Variants in ASTN1 observed in about 807,000 individuals in gnomAD.
The protein encoded by ASTN1 is astrotactin 1, also known as astrotactin-1.
A neutral mutation model predicts 140.7 loss-of-function variants in ASTN1; 41 were observed. The ratio of observed to expected loss-of-function variants is 0.29; its 90% CI spans 0.23 to 0.38. ASTN1 has a LOEUF of 0.38. Ranked by LOEUF, ASTN1 falls within the 10% of genes least tolerant of loss-of-function variation. ASTN1 has a pLI of 1.00. For missense variants in ASTN1, 1,479 were observed against 1,678.8 expected, an observed-to-expected ratio of 0.88 and a Z score of 2.08; for synonymous variants, 640 against 652.2, an observed-to-expected ratio of 0.98 and a Z score of 0.29.
intron 1 of ASTN1, among the ~76,000 whole-genome samples, chr1:177,149,597 CTGTA>C (rs1558131434): frequency 3.2e-5 from 2 of 61,548 alleles, no homozygotes; most frequent in Non-Finnish European, 4.6e-5. Flanking sequence ...TATATATACA[CTGTA>C]TATATATAGT....
rs1259644908 is a variant in ASTN1, at chr1:176,949,256, C to T, written c.1983G>A (p.Glu661=). The T allele has an allele frequency of 6.2e-7, 1 of 1,613,988 alleles. No individual in the cohort carries two copies. The highest frequency in any genetic ancestry group is 8.5e-7 in the Non-Finnish European group (1 of 1,180,038). The change falls in exon 12 of 23, where the codon GAG becomes GAA. Residue 661 remains glutamate (E), a synonymous_variant. Coordinates refer to ENST00000361833, the MANE Select transcript of ASTN1 (RefSeq NM_004319.3). The part of the protein sequence containing the change: ...DCSDGFNGGC[E]QLCLQQMAPF... The stretch of plus-strand genomic sequence containing the variant: ...GCGCCATCTGCTGGAGGCACAGCTG[C>T]TCACAGCCGCCGTTGAAGCCGTCGG...
At chr1:177,151,613 C>A (rs1683038526) in intron 1 of ASTN1, among the ~76,000 whole-genome samples, 1 of 152,080 alleles carries the variant, frequency 6.6e-6, no homozygotes, top group Admixed American at 6.6e-5. Context: ...TCTTTCCAAG[C>A]TGAATCACTC....
intron 1 of ASTN1, among the ~76,000 whole-genome samples, chr1:177,162,811 C>T (rs1647462590): frequency 6.6e-6 from 1 of 152,136 alleles, no homozygotes; most frequent in African/African-American, 2.4e-5. Context: ...CTCCAAATAA[C>T]CCAGTAATTG....
At chr1:176,980,051 A>G (rs1006487490) in intron 8 of ASTN1, among the ~76,000 whole-genome samples, 1 of 152,216 alleles carries the variant, frequency 6.6e-6, no homozygotes, top group Non-Finnish European at 1.5e-5. Context: ...TAAAGGGTCA[A>G]GGGATCACTT....
In ASTN1 at chr1:176,949,213, T is replaced by C; in HGVS notation, c.2026A>G (p.Thr676Ala). ...CAGAACATGAGGATGTTATACAAGG[T>C]GGGGTCGTCCGGGAAGGGCGCCATC... ...QQMAPFPDDP[T>A]LYNILMFCGC... Residue 676 changes from threonine (T) to alanine (A), a missense_variant, in exon 12 of 23, where the codon ACC (threonine) becomes GCC (alanine). By Grantham distance (58) the Thr-to-Ala change is moderately conservative (BLOSUM62 0). This residue lies in a region of ASTN1 where 746 missense variants were observed against 800.9 expected (regional missense o/e 0.93). Transcript: ENST00000361833. 1 of 1,613,986 alleles carries C rather than the reference T, an allele frequency of 6.2e-7. No homozygotes were observed. The highest frequency in any genetic ancestry group is 8.5e-7 in the Non-Finnish European group (1 of 1,180,010).
intron 8 of ASTN1, among the ~76,000 whole-genome samples, chr1:176,971,300 G>A (rs1017003482): frequency 1.3e-5 from 2 of 152,180 alleles, no homozygotes; most frequent in African/African-American, 4.8e-5. Context: ...AAGATGGGGA[G>A]ATTATTACAT....
At chr1:177,110,283 A>G (rs1680760612) in intron 1 of ASTN1, among the ~76,000 whole-genome samples, 1 of 152,276 alleles carries the variant, frequency 6.6e-6, no homozygotes, top group Non-Finnish European at 1.5e-5. Context: ...AGTTATAAAG[A>G]TCAAACAAGG....
At chr1:177,023,820 C>T (rs933823423) in intron 6 of ASTN1, among the ~76,000 whole-genome samples, 2 of 152,172 alleles carry the variant, frequency 1.3e-5, no homozygotes, top group Admixed American at 6.5e-5. Flanking sequence ...TGCTCCATTC[C>T]GTCTTTCCAG....
intron 8 of ASTN1, among the ~76,000 whole-genome samples, chr1:177,004,190 G>T (rs1024197743): frequency 5.3e-5 from 8 of 151,630 alleles, no homozygotes; most frequent in Middle Eastern, 6.8e-3. Context: ...ACCCAGCTGA[G>T]AATAAAATCA....
intron 16 of ASTN1, among the ~76,000 whole-genome samples, chr1:176,905,934 C>T (rs1461564669): frequency 6.6e-6 from 1 of 152,198 alleles, no homozygotes; most frequent in Non-Finnish European, 1.5e-5. Flanking sequence ...ATGGTACAGA[C>T]AGCTGGACAT....
intron 16 of ASTN1, among the ~76,000 whole-genome samples, chr1:176,899,452 C>T (rs1315003396): frequency 2.6e-5 from 4 of 152,180 alleles, no homozygotes; most frequent in African/African-American, 9.6e-5. Flanking sequence ...GATTCTGAGG[C>T]TGCTTAAGAA....
chr1:176,954,616 T>C (rs888811460), intron 11 of ASTN1, among the ~76,000 whole-genome samples: 6 of 152,202 alleles, frequency 3.9e-5, no homozygotes, highest in African/African-American at 1.2e-4. Context: ...AAAGACCCTA[T>C]AGGGCTCACT....
At chr1:177,128,358 A>T (rs960028761) in intron 1 of ASTN1, among the ~76,000 whole-genome samples, 3 of 152,220 alleles carry the variant, frequency 2.0e-5, no homozygotes, top group Non-Finnish European at 2.9e-5. Flanking sequence ...CCCAAATTGC[A>T]TTTAATGTTT....
At chr1:176,925,774 G>A (rs1415795945) in intron 16 of ASTN1, among the ~76,000 whole-genome samples, 1 of 151,604 alleles carries the variant, frequency 6.6e-6, no homozygotes, top group Non-Finnish European at 1.5e-5. Context: ...TAAAAGGCAA[G>A]AAGTGATTTC....
Position 177,009,695 on chromosome 1 carries a change from G to A in ASTN1, c.1523+5096C>T, listed in dbSNP as rs117288245. Among the ~76,000 whole-genome samples the A allele has an allele frequency of 4.6e-5, 7 of 152,302 alleles. No homozygotes were observed. In the East Asian group the frequency reaches 1.4e-3, roughly 29 times the overall value. ...GTGTGCACCTACTTGGCATGTCATG[G>A]TAAGTGCATTGCCTCCAGAGCAGGC... On this transcript the variant is annotated intron_variant, in intron 8 of 22. Coordinates refer to ENST00000361833, the MANE Select transcript of ASTN1 (RefSeq NM_004319.3).
intron 16 of ASTN1, among the ~76,000 whole-genome samples, chr1:176,912,212 A>T (rs922966797): frequency 1.4e-4 from 21 of 152,300 alleles, no homozygotes; most frequent in Middle Eastern, 3.4e-3. Context: ...AAGTCAGCAA[A>T]CTTTTTCTGT....
intron 1 of ASTN1, among the ~76,000 whole-genome samples, chr1:177,102,735 C>A (rs560899191): frequency 6.6e-6 from 1 of 152,182 alleles, no homozygotes; most frequent in South Asian, 2.1e-4. Flanking sequence ...CTATGAGAGA[C>A]CTTCCAAAAA....
At chr1:177,137,182 T>C (rs1682243316) in intron 1 of ASTN1, among the ~76,000 whole-genome samples, 1 of 152,158 alleles carries the variant, frequency 6.6e-6, no homozygotes, top group African/African-American at 2.4e-5. Context: ...TGAACAATTA[T>C]ATAATGAAAT....
chr1:177,136,250 G>A (rs1161626601), intron 1 of ASTN1, among the ~76,000 whole-genome samples: 1 of 152,100 alleles, frequency 6.6e-6, no homozygotes, highest in South Asian at 2.1e-4. Context: ...AGGGTCTTCA[G>A]TCTTACTGCA....
Sources: allele counts gnomAD v4.1 joint callset (sites outside exome capture counted in the v4.1 genomes callset), GRCh38; gene constraint gnomAD v4.1.1; regional missense constraint gnomAD v4.1.1; transcripts MANE v1.5; gene names NCBI Gene and HGNC (gene_info 2026-07-23, HGNC 2026-07-21).